The following PCDHA10 variants were observed in gnomAD, a reference collection of about 807,000 sequenced individuals.
PCDHA10 encodes protocadherin alpha 10, also known as protocadherin alpha-10.
Under a neutral mutation model 61.2 loss-of-function variants are expected in PCDHA10, and 45 were observed. That is an observed-to-expected ratio of 0.74 (90% CI 0.58 to 0.94). PCDHA10 has a LOEUF of 0.94. Ranked by LOEUF, PCDHA10 falls within the 40% of genes least tolerant of loss-of-function variation. The pLI, the probability that PCDHA10 is intolerant of heterozygous loss-of-function variation, is 0.00. For synonymous variants in PCDHA10, 602 were observed against 548.8 expected, an observed-to-expected ratio of 1.10 and a Z score of -1.35; for missense variants, 1,278 against 1,236.2, an observed-to-expected ratio of 1.03 and a Z score of -0.51.
intron 1 of PCDHA10, among the ~76,000 whole-genome samples, chr5:140,903,921 G>C (rs1282440912): frequency 6.6e-6 from 1 of 152,198 alleles, no homozygotes; most frequent in African/African-American, 2.4e-5. Flanking sequence ...CTTCCTTGCT[G>C]CATTGGATAA....
chr5:140,943,719 T>G (rs1198620937), intron 1 of PCDHA10, among the ~76,000 whole-genome samples: 2 of 152,126 alleles, frequency 1.3e-5, no homozygotes, highest in African/African-American at 4.8e-5. Context: ...TTTAAAGGTC[T>G]GAGAGAATGA....
At chr5:140,973,862 A>G (rs1438238778) in intron 1 of PCDHA10, among the ~76,000 whole-genome samples, 2 of 152,196 alleles carry the variant, frequency 1.3e-5, no homozygotes, top group Non-Finnish European at 2.9e-5. Flanking sequence ...TTTGCTCTCA[A>G]TGAGAGGTCA....
chr5:140,912,378 T>C (rs1554195314), intron 1 of PCDHA10, among the ~76,000 whole-genome samples: 1 of 152,002 alleles, frequency 6.6e-6, no homozygotes, highest in African/African-American at 2.4e-5. Context: ...GTAAAAGGGA[T>C]TGAGTTCTTA....
At chr5:140,914,973 G>A (rs1166162661) in intron 1 of PCDHA10, among the ~76,000 whole-genome samples, 2 of 140,450 alleles carry the variant, frequency 1.4e-5, no homozygotes, top group Non-Finnish European at 3.0e-5. Context: ...CTGAGTCAGA[G>A]TCTTGCTCTG....
At chr5:141,009,036 T>C (rs782309668) in intron 3 of PCDHA10, among the ~76,000 whole-genome samples, 7 of 152,242 alleles carry the variant, frequency 4.6e-5, no homozygotes, top group Non-Finnish European at 1.0e-4. Context: ...TCCCATCCCG[T>C]TCCCAGTCAA....
At chr5:140,892,707 G>A (rs958500270) in intron 1 of PCDHA10, among the ~76,000 whole-genome samples, 1 of 152,136 alleles carries the variant, frequency 6.6e-6, no homozygotes, top group African/African-American at 2.4e-5. Flanking sequence ...AGGGTAATTA[G>A]CATATTCATA....
chr5:141,000,389 CTCTCTCTATATATA>C (rs1429861640), intron 3 of PCDHA10, among the ~76,000 whole-genome samples: 15 of 62,586 alleles, frequency 2.4e-4, no homozygotes, highest in African/African-American at 9.8e-4. Flanking sequence ...CTCTCTCTCT[CTCTCTCTATATATA>C]TATATATATA....
chr5:140,876,716 G>C lies in PCDHA10; in HGVS notation c.2388+18280G>C, dbSNP rs374218090. On this transcript the variant is annotated intron_variant, in intron 1 of 3. Coordinates refer to ENST00000307360, the MANE Select transcript of PCDHA10 (RefSeq NM_018901.4). ...TTGGTGCTGGACAGCGCCCTGGACC[G>C]CGAGAGCGTGTCGGCCTATGAGCTG... 135 of 1,614,132 alleles carry C rather than the reference G, an allele frequency of 8.4e-5. No homozygotes were observed. In the Middle Eastern group the frequency reaches 2.5e-3, roughly 29 times the overall value.
chr5:140,961,465 T>C (rs2095614873), intron 1 of PCDHA10, among the ~76,000 whole-genome samples: 2 of 152,218 alleles, frequency 1.3e-5, no homozygotes, highest in Admixed American at 1.3e-4. Context: ...GCTGCCTTTC[T>C]TTTTTTGTCT....
intron 1 of PCDHA10, chr5:140,876,863 T>C (rs1225401565): frequency 4.3e-6 from 7 of 1,613,806 alleles, no homozygotes; most frequent in Non-Finnish European, 5.1e-6. Flanking sequence ...ACAGTGTTCG[T>C]GAAGGAGAAC....
intron 1 of PCDHA10, chr5:140,883,182 A>G (rs2059477264): frequency 6.2e-7 from 1 of 1,614,024 alleles, no homozygotes; most frequent in Non-Finnish European, 8.5e-7. Context: ...ATTAGGACAA[A>G]AGGCAAACTA....
intron 1 of PCDHA10, among the ~76,000 whole-genome samples, chr5:140,894,820 C>A (rs149254580): frequency 3.2e-4 from 49 of 152,072 alleles, no homozygotes; most frequent in African/African-American, 1.2e-3. Flanking sequence ...ATCAGATTTG[C>A]CCATAATCCT....
chr5:141,006,567 C>T (rs2098278386), intron 3 of PCDHA10, among the ~76,000 whole-genome samples: 1 of 152,030 alleles, frequency 6.6e-6, no homozygotes, highest in Admixed American at 6.6e-5. Flanking sequence ...ACTCTGGCTA[C>T]TGTGTGGAGG....
intron 3 of PCDHA10, among the ~76,000 whole-genome samples, chr5:141,003,622 A>G (rs1554259173): frequency 6.6e-6 from 1 of 152,196 alleles, no homozygotes; most frequent in Non-Finnish European, 1.5e-5. Context: ...CCCAGAGGGC[A>G]GTTTTTAAAG....
chr5:140,857,821 T>C lies in PCDHA10; in HGVS notation c.1773T>C (p.Ala591=). 1.3e-6 allele frequency: 2 copies of C among 1,597,642 alleles called. No homozygotes were observed. Among genetic ancestry groups the C allele is most frequent in the South Asian group, 2.2e-5 (2 of 90,486 alleles). The change falls in exon 1 of 4, where the codon GCT becomes GCC. Residue 591 remains alanine, a synonymous_variant. Transcript: ENST00000307360. ...CGGTGGTTGCGGGTCACGTGGTGGC[T>C]AAGGTGCGCGCAGTGGACGCTGACT... ...LRSVVAGHVV[A]KVRAVDADSG... is the part of the protein sequence containing the mutation.
chr5:140,982,705 T>A, intron 3 of PCDHA10, 142 bp downstream of exon 3: 1 of 1,376,850 alleles, frequency 7.3e-7, no homozygotes, highest in Non-Finnish European at 9.5e-7. Flanking sequence ...CATGATTTCC[T>A]TACATATATG....
At position 140,857,302 on chromosome 5, in the gene PCDHA10, G is replaced by C. The variant is rs782029015; in HGVS notation, c.1254G>C (p.Ser418=). 5.0e-6 allele frequency: 8 copies of C among 1,598,652 alleles called. 1 individual carries two copies. The highest frequency in any genetic ancestry group is 3.4e-5 in the Admixed American group (2 of 59,338). Residue 418 remains serine, a synonymous_variant, in exon 1 of 4, where the codon TCG becomes TCC. Transcript: ENST00000307360. ...LDSALDRERV[S]AYELVVTARD... ...GCGCTCTGGACCGCGAGAGGGTGTCGGCCTATGAGCTGGTGGTGACCGCGC... is the reference window on the plus strand; with the variant it reads ...GCGCTCTGGACCGCGAGAGGGTGTCCGCCTATGAGCTGGTGGTGACCGCGC...
In PCDHA10 at chr5:140,875,833, G is replaced by T. The variant is rs782436615; in HGVS notation, c.2388+17397G>T. The stretch of plus-strand genomic sequence containing the variant: ...GCCGCTGCAGGTTTTCCATGTGGAC[G>T]TGGAGGTGAAGGACATTAACGACAA... On this transcript the variant is annotated intron_variant, in intron 1 of 3. Coordinates refer to ENST00000307360, the MANE Select transcript of PCDHA10 (RefSeq NM_018901.4). 2.3e-5 allele frequency: 37 copies of T among 1,614,100 alleles called. No homozygotes were observed. The Admixed American group carries it at 6.0e-4, about 26-fold the overall frequency.
At chr5:140,957,871 G>C (rs1312915058) in intron 1 of PCDHA10, among the ~76,000 whole-genome samples, 1 of 151,864 alleles carries the variant, frequency 6.6e-6, no homozygotes, top group African/African-American at 2.4e-5. Flanking sequence ...CCTATTTTGT[G>C]CTGAAAAGCT....
Sources: gnomAD v4.1 joint callset for allele counts (sites outside exome capture counted in the v4.1 genomes callset) on GRCh38, gnomAD v4.1.1 for gene constraint, MANE v1.5 for transcripts, NCBI Gene and HGNC (gene_info 2026-07-23, HGNC 2026-07-21) for gene names.